Variants in NDST1 observed in about 807,000 individuals in gnomAD.
The protein encoded by NDST1 is bifunctional heparan sulfate N-deacetylase/N-sulfotransferase 1.
In NDST1, 35 loss-of-function variants were observed where a neutral mutation model predicts 92.8. The observed-to-expected ratio is 0.38, with a 90% CI of 0.29 to 0.50. The LOEUF is 0.50. Among genes scored for constraint, NDST1 ranks in the 20% least tolerant of loss-of-function variants. The probability of loss-of-function intolerance (pLI) is 0.94; values close to 1 mark genes in which losing one functional copy is unlikely to be tolerated. For synonymous variants in NDST1, 493 were observed against 500.3 expected (o/e 0.99, Z 0.19); for missense variants, 822 against 1,182.7 (o/e 0.69, Z 4.47).
At chr5:150,537,447 C>T (rs888178605) in intron 6 of NDST1, among the ~76,000 whole-genome samples, 10 of 152,140 alleles carry the variant, frequency 6.6e-5, no homozygotes, top group African/African-American at 9.7e-5. Context: ...GCTTTGGGAA[C>T]GTTTGTCTTT....
At position 150,520,888 on chromosome 5, in the gene NDST1, C is replaced by T. The variant is rs998556886; in HGVS notation, c.-367C>T. On this transcript the variant is annotated 5_prime_UTR_variant, in exon 2 of 15. The change creates a new upstream start codon in the 5' untranslated region. Coordinates refer to ENST00000261797, the MANE Select transcript of NDST1 (RefSeq NM_001543.5). The stretch of plus-strand genomic sequence containing the variant: ...CACAGCCTTAGCCCCGTGGGCCCCA[C>T]GGAGTGAGCGGCATGCAGCACCCCC... 1.0e-4 allele frequency: 49 copies of T among 479,670 alleles called. No individual in the cohort carries two copies. Among genetic ancestry groups the T allele is most frequent in the African/African-American group, 7.2e-4 (37 of 51,502 alleles). 29.7% of individuals were successfully genotyped at this position (479,670 alleles called of 1,614,324 possible).
intron 1 of NDST1, among the ~76,000 whole-genome samples, chr5:150,500,926 C>T (rs951541607): frequency 1.3e-5 from 2 of 152,248 alleles, no homozygotes; most frequent in African/African-American, 4.8e-5. Context: ...CTCCACCTCC[C>T]TCTGCAGGGG....
At chr5:150,514,896 C>G (rs1753890486) in intron 1 of NDST1, among the ~76,000 whole-genome samples, 1 of 152,198 alleles carries the variant, frequency 6.6e-6, no homozygotes, top group Non-Finnish European at 1.5e-5. Flanking sequence ...CACGATGAAT[C>G]AGACTTGGTT....
At chr5:150,499,040 C>G (rs566943044) in intron 1 of NDST1, among the ~76,000 whole-genome samples, 3 of 152,226 alleles carry the variant, frequency 2.0e-5, no homozygotes, top group African/African-American at 7.2e-5. Context: ...CAGCCCAGCA[C>G]CAATGCCTTC....
chr5:150,505,597 C>T (rs914245385), upstream of NDST1, among the ~76,000 whole-genome samples: 4 of 152,228 alleles, frequency 2.6e-5, no homozygotes, highest in African/African-American at 9.6e-5. Flanking sequence ...CTGCCTGGAA[C>T]GTGGTCACTG....
At chr5:150,537,836 A>G (rs1260128803) in intron 6 of NDST1, among the ~76,000 whole-genome samples, 2 of 152,122 alleles carry the variant, frequency 1.3e-5, no homozygotes, top group Non-Finnish European at 2.9e-5. Context: ...TCCCCTGGAC[A>G]CCCAGCTTTA....
intron 13 of NDST1, among the ~76,000 whole-genome samples, chr5:150,551,277 T>C (rs541013954): frequency 6.6e-6 from 1 of 152,318 alleles, no homozygotes; most frequent in Admixed American, 6.5e-5. Context: ...CATGCTTAAG[T>C]GCAGCTGTGG....
At chr5:150,528,374 G>T in intron 3 of NDST1, 76 bp downstream of exon 3, 2 of 1,499,602 alleles carry the variant, frequency 1.3e-6, no homozygotes, top group Non-Finnish European at 1.8e-6. Flanking sequence ...CCCATCGTGG[G>T]TGTGCCCTGT....
intron 7 of NDST1, chr5:150,539,721 T>A: frequency 1.0e-6 from 1 of 984,974 alleles, no homozygotes; most frequent in Non-Finnish European, 1.2e-6. Flanking sequence ...ATGCAAACAA[T>A]TACCTCTGCT....
At chr5:150,518,492 G>C (rs1336014707) in intron 1 of NDST1, among the ~76,000 whole-genome samples, 1 of 152,146 alleles carries the variant, frequency 6.6e-6, no homozygotes, top group Non-Finnish European at 1.5e-5. Flanking sequence ...TGGCAGAGCT[G>C]AGACCAGACC....
Position 150,555,353 on chromosome 5 carries a change from G to C in NDST1, c.*2021G>C, listed in dbSNP as rs1279335644. 3 of 152,890 alleles carry C rather than the reference G, an allele frequency of 2.0e-5. No individual in the cohort carries two copies. The highest frequency in any genetic ancestry group is 7.2e-5 in the African/African-American group (3 of 41,468). The allele number at this position is 152,890 out of a possible 1,614,324, so 9.5% of individuals were successfully genotyped here. The stretch of plus-strand genomic sequence containing the variant: ...CCTTCCCCAGCCTGTGGGGGCCTGG[G>C]TCTGTTCTGAGCTGATTCCCTTTTC... On this transcript the variant is annotated 3_prime_UTR_variant, in exon 15 of 15. Transcript: ENST00000261797.
chr5:150,514,537 G>A (rs1753869300), intron 1 of NDST1, among the ~76,000 whole-genome samples: 1 of 149,622 alleles, frequency 6.7e-6, no homozygotes, highest in Non-Finnish European at 1.5e-5. Context: ...CTCCAGCCTG[G>A]GTGACAGAGT....
intron 1 of NDST1, among the ~76,000 whole-genome samples, chr5:150,514,759 T>C (rs1337848659): frequency 6.6e-6 from 1 of 152,188 alleles, no homozygotes; most frequent in African/African-American, 2.4e-5. Context: ...TCCATGTGAC[T>C]GTGGCAAGTC....
Position 150,545,404 on chromosome 5 carries a change from G to T in NDST1, c.2063G>T (p.Arg688Leu). The change falls in exon 11 of 15, where the codon CGG (arginine) becomes CTG (leucine). Residue 688 changes from arginine (R) to leucine (L), a missense_variant. Transcript: ENST00000261797. Reference protein sequence around the residue: ...ANYFDSEVAPRRAAALLPKAK... With the variant: ...ANYFDSEVAPLRAAALLPKAK... ...TACTTTGATTCAGAAGTGGCGCCCC[G>T]GCGGGCAGCAGCCCTCTTGCCCAAA... 1 of 1,614,236 alleles carries T rather than the reference G, an allele frequency of 6.2e-7. No individual in the cohort carries two copies. The highest frequency in any genetic ancestry group is 1.1e-5 in the South Asian group (1 of 91,086).
intron 11 of NDST1, among the ~76,000 whole-genome samples, chr5:150,546,037 G>T (rs888765): frequency 0.23 from 31,461 of 137,716 alleles, 3,545 homozygotes; most frequent in African/African-American, 0.27. Flanking sequence ...TTGCTCTGTA[G>T]CCCAGGCTGG....
chr5:150,504,964 G>A (rs1753384359), upstream of NDST1, among the ~76,000 whole-genome samples: 1 of 152,186 alleles, frequency 6.6e-6, no homozygotes, highest in South Asian at 2.1e-4. Context: ...TTGTGTTCCT[G>A]TGTGCGTGTT....
chr5:150,528,355 T>C, intron 3 of NDST1, 57 bp downstream of exon 3: 1 of 1,538,862 alleles, frequency 6.5e-7, no homozygotes, highest in South Asian at 1.3e-5. Flanking sequence ...AGCTTCAGCC[T>C]TCAGGTGCCC....
rs1483319452 is a variant in NDST1, at chr5:150,554,783, A to G, written c.*1451A>G. The G allele has an allele frequency of 1.3e-5, 2 of 152,736 alleles. No individual in the cohort carries two copies. Among genetic ancestry groups the G allele is most frequent in the Non-Finnish European group, 2.9e-5 (2 of 68,184 alleles). The allele number at this position is 152,736 out of a possible 1,614,324, so 9.5% of individuals were successfully genotyped here. On this transcript the variant is annotated 3_prime_UTR_variant, in exon 15 of 15. Transcript: ENST00000261797. ...AGAGCTGGGATGCCCACCAAGGCCC[A>G]CAGAACTGTCTCCAGGCCCTTGTAG...
At chr5:150,522,236 C>T (rs1754270275) in intron 2 of NDST1, among the ~76,000 whole-genome samples, 1 of 152,078 alleles carries the variant, frequency 6.6e-6, no homozygotes. Flanking sequence ...TTTGGGCTCT[C>T]TATCCCATGC....
Sources: gnomAD v4.1 joint callset for allele counts (sites outside exome capture counted in the v4.1 genomes callset) on GRCh38, gnomAD v4.1.1 for gene constraint, MANE v1.5 for transcripts, NCBI Gene and HGNC (gene_info 2026-07-23, HGNC 2026-07-21) for gene names.